Variants in KCTD3 observed in about 807,000 individuals in gnomAD.
The protein encoded by KCTD3 is BTB/POZ domain-containing protein KCTD3.
KCTD3 carries 41 observed loss-of-function variants against 85.8 expected under a neutral mutation model. That is an observed-to-expected ratio of 0.48 (90% CI 0.37 to 0.62). The LOEUF (loss-of-function observed/expected upper bound fraction) is 0.62. Among genes scored for constraint, KCTD3 ranks in the 20% least tolerant of loss-of-function variants. The pLI is 0.00. For missense variants in KCTD3, 724 were observed against 989.9 expected (o/e 0.73, Z 3.60); for synonymous variants, 338 against 345.4 (o/e 0.98, Z 0.24).
At chr1:215,602,779 C>T (rs950026039) in intron 12 of KCTD3, among the ~76,000 whole-genome samples, 2 of 152,048 alleles carry the variant, frequency 1.3e-5, no homozygotes, top group African/African-American at 4.8e-5. Context: ...GAAAGGAGTT[C>T]TAAGAAACAA....
At chr1:215,573,927 A>T in intron 2 of KCTD3, 88 bp downstream of exon 2, 1 of 1,056,830 alleles carries the variant, frequency 9.5e-7, no homozygotes, top group Non-Finnish European at 1.4e-6. Flanking sequence ...TTTTTAATAA[A>T]AAAGGTTAAC....
chr1:215,592,741 T>C (rs1332246627), intron 9 of KCTD3, among the ~76,000 whole-genome samples: 1 of 152,110 alleles, frequency 6.6e-6, no homozygotes, highest in Non-Finnish European at 1.5e-5. Context: ...CCAAAGAAAA[T>C]TGTTAGGGCT....
chr1:215,603,142 G>A (rs1654896325), intron 12 of KCTD3, among the ~76,000 whole-genome samples: 1 of 152,096 alleles, frequency 6.6e-6, no homozygotes, highest in Non-Finnish European at 1.5e-5. Context: ...TCTAGAATGA[G>A]CTGTGGATTT....
At position 215,607,051 on chromosome 1, in the gene KCTD3, A is replaced by G. The variant is rs377580044; in HGVS notation, c.1310-966A>G. ...ATTGAGAATTTTGTTATATAAGAATAGAAAGTACACAGATGTTACTTATTG... is the reference window on the plus strand; with the variant it reads ...ATTGAGAATTTTGTTATATAAGAATGGAAAGTACACAGATGTTACTTATTG... On this transcript the variant is annotated intron_variant, in intron 13 of 17. Coordinates refer to ENST00000259154, the MANE Select transcript of KCTD3 (RefSeq NM_016121.5). 1.9e-3 allele frequency among the ~76,000 whole-genome samples: 284 copies of G among 152,126 alleles called. 3 individuals are homozygous for G. The highest frequency in any genetic ancestry group is 6.4e-3 in the African/African-American group (264 of 41,568).
chr1:215,616,382 A>G (rs1655449498), intron 15 of KCTD3, among the ~76,000 whole-genome samples: 1 of 152,204 alleles, frequency 6.6e-6, no homozygotes, highest in South Asian at 2.1e-4. Context: ...ATTTAAAAAA[A>G]CCCTAGCAAC....
chr1:215,614,653 T>C (rs1464543760), intron 15 of KCTD3, among the ~76,000 whole-genome samples: 1 of 152,210 alleles, frequency 6.6e-6, no homozygotes, highest in East Asian at 1.9e-4. Context: ...TGCTACTGAT[T>C]TTTGTACATT....
intron 1 of KCTD3, among the ~76,000 whole-genome samples, chr1:215,568,966 G>A (rs185920743): frequency 5.3e-5 from 8 of 152,108 alleles, no homozygotes; most frequent in Non-Finnish European, 1.2e-4. Context: ...CTAAAATCAC[G>A]TTAAAATATT....
At chr1:215,583,768 T>G (rs2102566642) in intron 8 of KCTD3, among the ~76,000 whole-genome samples, 1 of 152,308 alleles carries the variant, frequency 6.6e-6, no homozygotes, top group Admixed American at 6.5e-5. Flanking sequence ...TGATGGTATT[T>G]CTGCCTATTA....
chr1:215,573,601 G>C (rs1453074391), intron 1 of KCTD3, among the ~76,000 whole-genome samples, 185 bp from the exon 2 acceptor site: 1 of 152,144 alleles, frequency 6.6e-6, no homozygotes, highest in African/African-American at 2.4e-5. Context: ...AGAGCTGCTT[G>C]TATAATCTTA....
At chr1:215,571,629 CT>C (rs563959943) in intron 1 of KCTD3, among the ~76,000 whole-genome samples, 4,731 of 141,712 alleles carry the variant, frequency 0.033, 191 homozygotes, top group African/African-American at 0.11. Flanking sequence ...TGGAGATAAA[CT>C]TTTTTTTTTT....
At chr1:215,602,516 ATAAC>A (rs1195088952) in intron 12 of KCTD3, among the ~76,000 whole-genome samples, 1 of 152,098 alleles carries the variant, frequency 6.6e-6, no homozygotes, top group African/African-American at 2.4e-5. Flanking sequence ...TCCTATTAAA[ATAAC>A]TAATTTTTCA....
intron 8 of KCTD3, among the ~76,000 whole-genome samples, chr1:215,584,017 C>T (rs1486733014): frequency 1.3e-5 from 2 of 152,200 alleles, no homozygotes; most frequent in Non-Finnish European, 2.9e-5. Context: ...TTTTCATGAA[C>T]TGGGAAATTG....
At position 215,567,627 on chromosome 1, in the gene KCTD3, C is replaced by T. The variant is rs1311285668; in HGVS notation, c.-59C>T. 2.3e-5 allele frequency: 26 copies of T among 1,120,240 alleles called. 1 individual carries two copies. The East Asian group carries it at 6.7e-4, about 29-fold the overall frequency. 69.4% of individuals were successfully genotyped at this position (1,120,240 alleles called of 1,614,324 possible). On this transcript the variant is annotated 5_prime_UTR_variant, in exon 1 of 18. Coordinates refer to ENST00000259154, the MANE Select transcript of KCTD3 (RefSeq NM_016121.5). ...TCGCCGCTGCCTCGGGCTACAGCCC[C>T]GGGCTCGGCGGTCCCGGCTGGGGAA...
intron 10 of KCTD3, among the ~76,000 whole-genome samples, chr1:215,597,783 C>T (rs1654656963): frequency 6.6e-6 from 1 of 152,006 alleles, no homozygotes; most frequent in African/African-American, 2.4e-5. Context: ...ATGTTAGAAG[C>T]ACACTTTTTC....
rs1655646788 is a variant in KCTD3 at position 215,620,640 on chromosome 1, T to A, written c.*22T>A. On this transcript the variant is annotated 3_prime_UTR_variant, in exon 18 of 18. Transcript: ENST00000259154. Reference sequence around the variant, plus strand: ...GTGAAAACTCACCAAAATGAATAGTTGTTTCGTTACATTTAGATGAAAGTT... The same window carrying A: ...GTGAAAACTCACCAAAATGAATAGTAGTTTCGTTACATTTAGATGAAAGTT... 2 of 1,491,058 alleles carry A rather than the reference T, an allele frequency of 1.3e-6. No homozygotes were observed. Among genetic ancestry groups the A allele is most frequent in the Non-Finnish European group, 1.8e-6 (2 of 1,100,306 alleles). 92.4% of individuals were successfully genotyped at this position (1,491,058 alleles called of 1,614,324 possible). A position where few individuals can be genotyped will look rare whatever the true frequency, so the allele number is the denominator to read the frequency against.
At chr1:215,601,749 T>C in intron 10 of KCTD3, 118 bp from the exon 11 acceptor site, 1 of 622,452 alleles carries the variant, frequency 1.6e-6, no homozygotes, top group East Asian at 2.7e-5. Flanking sequence ...TCCTAAGCCC[T>C]ACTAAAATTG....
chr1:215,591,942 A>G (rs1376216287), intron 9 of KCTD3, among the ~76,000 whole-genome samples: 1 of 152,208 alleles, frequency 6.6e-6, no homozygotes, highest in Admixed American at 6.5e-5. Flanking sequence ...ACAGTTCCAC[A>G]TGGCTGGGGA....
At chr1:215,572,257 G>C (rs200161521) in intron 1 of KCTD3, among the ~76,000 whole-genome samples, 1 of 152,156 alleles carries the variant, frequency 6.6e-6, no homozygotes, top group Non-Finnish European at 1.5e-5. Context: ...CATTTACTGG[G>C]TGTGTGCTAG....
At chr1:215,613,393 A>G (rs1023297807) in intron 15 of KCTD3, among the ~76,000 whole-genome samples, 5 of 152,094 alleles carry the variant, frequency 3.3e-5, no homozygotes, top group African/African-American at 9.7e-5. Flanking sequence ...TAGATGCTGG[A>G]TATTAGACCT....
Sources: allele counts gnomAD v4.1 joint callset (sites outside exome capture counted in the v4.1 genomes callset), GRCh38; gene constraint gnomAD v4.1.1; transcripts MANE v1.5; gene names NCBI Gene and HGNC (gene_info 2026-07-23, HGNC 2026-07-21).